The following MEP1B variants were observed in gnomAD, a reference collection of about 807,000 sequenced individuals.
The protein encoded by MEP1B is N-benzoyl-L-tyrosyl-P-amino-benzoic acid hydrolase subunit beta.
MEP1B carries 80 observed loss-of-function variants against 84.6 expected under a neutral mutation model. The ratio of observed to expected loss-of-function variants is 0.95; its 90% CI spans 0.79 to 1.14. The LOEUF (loss-of-function observed/expected upper bound fraction) is 1.14. Among genes scored for constraint, MEP1B ranks in the 50% most tolerant of loss-of-function variants. The probability of loss-of-function intolerance (pLI) is 0.00; values close to 1 mark genes in which losing one functional copy is unlikely to be tolerated. For missense variants in MEP1B, 766 were observed against 855.1 expected, an observed-to-expected ratio of 0.90 and a Z score of 1.30; for synonymous variants, 273 against 288.1, an observed-to-expected ratio of 0.95 and a Z score of 0.53.
At position 32,196,429 on chromosome 18, in the gene MEP1B, C is replaced by A; in HGVS notation, c.250+944C>A. ...CTGGTCCTCGCCCAGCTGGGTCTTA[C>A]AGAGGGTGTGCAGCCAGCCCTTCCT... is the stretch of plus-strand genomic sequence containing the variant. On this transcript the variant is annotated intron_variant, in intron 5 of 14. Transcript: ENST00000269202. This position sits in a 1 kb window ranked among gnomAD's most constrained non-coding sequence, Gnocchi z 4.4. The A allele has an allele frequency of 1.4e-6, 1 of 694,824 alleles. No homozygotes were observed. The highest frequency in any genetic ancestry group is 2.7e-6 in the Non-Finnish European group (1 of 376,194). 43.0% of individuals were successfully genotyped at this position (694,824 alleles called of 1,614,324 possible).
chr18:32,206,422 C>T (rs1310635355), intron 7 of MEP1B, among the ~76,000 whole-genome samples: 2 of 148,428 alleles, frequency 1.3e-5, no homozygotes, highest in African/African-American at 4.9e-5. Context: ...CTGACTGGTT[C>T]AACAACACTT....
chr18:32,196,148 TG>T lies in MEP1B; in HGVS notation c.250+665del. ...TCCTTGGCCTCATCCCTGTTTCTGCTGGCCTTCTGGAGCTGGTGTCACTGCG... is the reference window on the plus strand; with the variant it reads ...TCCTTGGCCTCATCCCTGTTTCTGCTGCCTTCTGGAGCTGGTGTCACTGCG... On this transcript the variant is annotated intron_variant, in intron 5 of 14. Coordinates refer to ENST00000269202, the MANE Select transcript of MEP1B (RefSeq NM_005925.3). This position sits in a 1 kb window ranked among gnomAD's most constrained non-coding sequence, Gnocchi z 4.4. The T allele has an allele frequency of 1.7e-6, 1 of 582,310 alleles. No individual in the cohort carries two copies. The highest frequency in any genetic ancestry group is 1.7e-5 in the South Asian group (1 of 57,254). The allele number at this position is 582,310 out of a possible 1,614,324, so 36.1% of individuals were successfully genotyped here.
intron 5 of MEP1B, among the ~76,000 whole-genome samples, chr18:32,197,128 G>C (rs1359025220): frequency 1.3e-5 from 2 of 152,128 alleles, no homozygotes; most frequent in African/African-American, 2.4e-5. Context: ...CATGATAAAA[G>C]AGCTTTCATC....
chr18:32,214,390 T>C (rs12458880), intron 11 of MEP1B, among the ~76,000 whole-genome samples: 12,669 of 152,194 alleles, frequency 0.083, 575 homozygotes, highest in African/African-American at 0.12. Flanking sequence ...ATTCTATATA[T>C]GAAAAACATG....
intron 5 of MEP1B, among the ~76,000 whole-genome samples, chr18:32,200,169 GTAA>G (rs1333126042): frequency 6.6e-6 from 1 of 151,940 alleles, no homozygotes; most frequent in Non-Finnish European, 1.5e-5. Context: ...CGTATTATAT[GTAA>G]TAACATTTTT....
intron 12 of MEP1B, among the ~76,000 whole-genome samples, chr18:32,215,641 G>T (rs979132757): frequency 6.6e-6 from 1 of 152,070 alleles, no homozygotes; most frequent in Admixed American, 6.6e-5. Context: ...TGGCTAACAC[G>T]GTGAAACCCT....
chr18:32,207,550 A>G, intron 8 of MEP1B, 80 bp downstream of exon 8: 3 of 962,644 alleles, frequency 3.1e-6, no homozygotes, highest in Non-Finnish European at 4.9e-6. Context: ...CATTTTGTCA[A>G]GCATTGGTGG....
rs372140736 is a variant in MEP1B, at chr18:32,217,852, A to G, written c.1978A>G (p.Thr660Ala). 1.9e-6 allele frequency: 3 copies of G among 1,613,754 alleles called. No individual in the cohort carries two copies. The highest frequency in any genetic ancestry group is 1.3e-5 in the African/African-American group (1 of 74,878). ...RDTIVIAVSSTVAVFALMLII... is the reference protein window; with the variant it reads ...RDTIVIAVSSAVAVFALMLII... ...CACCATAGTCATTGCTGTTTCATCT[A>G]CTGTTGCTGTGTTTGCCTTGATGCT... The change falls in exon 14 of 15, where the codon ACT becomes GCT. Residue 660 changes from threonine to alanine, a missense_variant. Physicochemically the swap from Thr to Ala is moderately conservative, Grantham distance 58. Transcript: ENST00000269202.
At chr18:32,191,752 T>C (rs146599010) in intron 1 of MEP1B, 70 bp from the exon 2 acceptor site, 2 of 976,322 alleles carry the variant, frequency 2.0e-6, no homozygotes, top group East Asian at 2.6e-5. Flanking sequence ...TGGTTAGATA[T>C]AAACTGAATC....
At chr18:32,192,904 C>T (rs1568262902) in intron 4 of MEP1B, 87 bp downstream of exon 4, 7 of 1,013,124 alleles carry the variant, frequency 6.9e-6, no homozygotes, top group South Asian at 5.4e-5. Flanking sequence ...ACAGCATGAA[C>T]TTTGTTAAGC....
At position 32,213,222 on chromosome 18, in the gene MEP1B, T is replaced by A; in HGVS notation, c.1242T>A (p.Gly414=). 1 of 1,613,972 alleles carries A rather than the reference T, an allele frequency of 6.2e-7. No homozygotes were observed. The highest frequency in any genetic ancestry group is 8.5e-7 in the Non-Finnish European group (1 of 1,179,842). ...AAGGCTCTGGTGCATCACTGGGTGGTCTGTCTATTGATGACATCAATCTTT... is the reference window on the plus strand; with the variant it reads ...AAGGCTCTGGTGCATCACTGGGTGGACTGTCTATTGATGACATCAATCTTT... ...GRKGSGASLG[G]LSIDDINLSE... is the part of the protein sequence containing the mutation. The change falls in exon 11 of 15, where the codon GGT becomes GGA. Residue 414 remains glycine (G), a synonymous_variant. Coordinates refer to ENST00000269202, the MANE Select transcript of MEP1B (RefSeq NM_005925.3).
In MEP1B at chr18:32,196,969, G is replaced by A; in HGVS notation, c.250+1484G>A. 4.1e-6 allele frequency: 1 copy of A among 243,860 alleles called. No individual in the cohort carries two copies. The highest frequency in any genetic ancestry group is 1.0e-4 in the East Asian group (1 of 9,874). 15.1% of individuals were successfully genotyped at this position (243,860 alleles called of 1,614,324 possible). A position where few individuals can be genotyped will look rare whatever the true frequency, so the allele number is the denominator to read the frequency against. On this transcript the variant is annotated intron_variant, in intron 5 of 14. Coordinates refer to ENST00000269202, the MANE Select transcript of MEP1B (RefSeq NM_005925.3). This position sits in a 1 kb window ranked among gnomAD's most constrained non-coding sequence, Gnocchi z 4.4. ...AGGGCCTGATTGATGGGCTCACAGG[G>A]AGCCAGTCTTTATTTTAAAGCAGTG...
At position 32,200,382 on chromosome 18, in the gene MEP1B, A is replaced by T. The variant is rs554506490; in HGVS notation, c.251-2511A>T. 2.0e-4 allele frequency among the ~76,000 whole-genome samples: 31 copies of T among 152,204 alleles called. No individual in the cohort carries two copies. In the East Asian group the frequency reaches 4.2e-3, roughly 21 times the overall value. ...TCTTTATAATAGAATCAAACTTCAA[A>T]TTTTTATAGAACAATTTTTTTCAAT... On this transcript the variant is annotated intron_variant, in intron 5 of 14. Coordinates refer to ENST00000269202, the MANE Select transcript of MEP1B (RefSeq NM_005925.3).
At chr18:32,207,042 A>G (rs2040972735) in intron 7 of MEP1B, among the ~76,000 whole-genome samples, 1 of 152,234 alleles carries the variant, frequency 6.6e-6, no homozygotes, top group Admixed American at 6.5e-5. Context: ...ATGGGCTGCA[A>G]TAGAACCTTA....
At chr18:32,197,915 G>A (rs2040872333) in intron 5 of MEP1B, among the ~76,000 whole-genome samples, 1 of 152,070 alleles carries the variant, frequency 6.6e-6, no homozygotes, top group Admixed American at 6.5e-5. Flanking sequence ...AGTCCCCAGT[G>A]TCTTTTGTTC....
chr18:32,193,897 T>C (rs752686149), intron 4 of MEP1B, among the ~76,000 whole-genome samples: 59 of 152,138 alleles, frequency 3.9e-4, no homozygotes, highest in Non-Finnish European at 5.3e-4. Context: ...CAAAGGCATA[T>C]CTCTGGTCCT....
chr18:32,216,002 ATAT>A (rs1199138171), intron 12 of MEP1B, among the ~76,000 whole-genome samples: 1 of 57,436 alleles, frequency 1.7e-5, no homozygotes, highest in Non-Finnish European at 4.6e-5. Flanking sequence ...ATATATATAT[ATAT>A]ATATATATAT....
intron 5 of MEP1B, among the ~76,000 whole-genome samples, chr18:32,201,453 T>G (rs190842955): frequency 6.6e-6 from 1 of 152,138 alleles, no homozygotes; most frequent in African/African-American, 2.4e-5. Flanking sequence ...GGTGGCAATT[T>G]ATTTTGATTG....
chr18:32,203,221 G>T (rs2040930694), intron 6 of MEP1B: 3 of 451,712 alleles, frequency 6.6e-6, no homozygotes, highest in Non-Finnish European at 1.2e-5. Flanking sequence ...AAAGTGGAAA[G>T]TGGATGGGAT....
Sources: allele counts gnomAD v4.1 joint callset (sites outside exome capture counted in the v4.1 genomes callset), GRCh38; gene constraint gnomAD v4.1.1; non-coding constraint Gnocchi (gnomAD v3.1); transcripts MANE v1.5; gene names NCBI Gene and HGNC (gene_info 2026-07-23, HGNC 2026-07-21).